The following SNED1 variants were observed in gnomAD, a reference collection of about 807,000 sequenced individuals.
SNED1 encodes sushi, nidogen and EGF like domains 1.
SNED1 carries 81 observed loss-of-function variants against 166.7 expected under a neutral mutation model. The ratio of observed to expected loss-of-function variants is 0.49; its 90% CI spans 0.41 to 0.58. The LOEUF (loss-of-function observed/expected upper bound fraction) is 0.58. SNED1 is among the 20% of genes least tolerant of loss of function. The pLI is 0.00. For synonymous variants in SNED1, 762 were observed against 822.0 expected (o/e 0.93, Z 1.25); for missense variants, 1,604 against 2,000.2 (o/e 0.80, Z 3.78).
At chr2:241,056,196 G>A (rs2062035224) in intron 16 of SNED1, among the ~76,000 whole-genome samples, 2 of 152,130 alleles carry the variant, frequency 1.3e-5, no homozygotes, top group South Asian at 4.1e-4. Flanking sequence ...ATGATTGAGA[G>A]AATAGAAAAT....
At chr2:241,080,709 C>T (rs1390453255) in intron 27 of SNED1, among the ~76,000 whole-genome samples, 1 of 152,228 alleles carries the variant, frequency 6.6e-6, no homozygotes, top group Non-Finnish European at 1.5e-5. Context: ...TGAAATATAC[C>T]AATATCTCTG....
At chr2:241,078,815 T>G (rs997546153) in intron 27 of SNED1, among the ~76,000 whole-genome samples, 2 of 150,660 alleles carry the variant, frequency 1.3e-5, no homozygotes, top group African/African-American at 5.0e-5. Flanking sequence ...ATGCCTGCTT[T>G]AAAAAAGTTA....
intron 31 of SNED1, among the ~76,000 whole-genome samples, chr2:241,089,816 G>A (rs1233435775): frequency 6.6e-6 from 1 of 152,278 alleles, no homozygotes; most frequent in Non-Finnish European, 1.5e-5. Flanking sequence ...ATGGCACCGC[G>A]TACTGCGCAC....
chr2:241,071,590 G>T lies in SNED1; in HGVS notation c.3604G>T (p.Ala1202Ser), dbSNP rs761370688. Residue 1202 changes from alanine to serine, a missense_variant, in exon 25 of 32, where the codon GCT (alanine) becomes TCT (serine). Physicochemically the swap from Ala to Ser is moderately conservative, Grantham distance 99 (BLOSUM62 1). Around this residue, in one of 2 missense-constraint regions of SNED1, gnomAD observed 367 missense variants for 379.4 expected, o/e 0.97. Transcript: ENST00000310397. Reference sequence around the variant, plus strand: ...CTGCTCTGCAGCCCCCAGGGATGGCGCTGACAGACGCTGGCACCAGGGAGG... The same window carrying T: ...CTGCTCTGCAGCCCCCAGGGATGGCTCTGACAGACGCTGGCACCAGGGAGG... Reference protein sequence around the residue: ...LYIITSPRDGADRRWHQGGHH... With the variant: ...LYIITSPRDGSDRRWHQGGHH... 2 of 1,586,798 alleles carry T rather than the reference G, an allele frequency of 1.3e-6. No individual in the cohort carries two copies. Among genetic ancestry groups the T allele is most frequent in the Admixed American group, 1.7e-5 (1 of 58,252 alleles).
chr2:241,084,282 G>A (rs768077793), intron 29 of SNED1, among the ~76,000 whole-genome samples: 2 of 151,820 alleles, frequency 1.3e-5, no homozygotes, highest in Admixed American at 6.6e-5. Context: ...GATTACAGGC[G>A]CCTGCCACCA....
Position 241,052,488 on chromosome 2 carries a change from C to G in SNED1, c.2083+20C>G, listed in dbSNP as rs754343564. The G allele has an allele frequency of 6.6e-7, 1 of 1,523,372 alleles. No individual in the cohort carries two copies. Among genetic ancestry groups the G allele is most frequent in the Non-Finnish European group, 8.9e-7 (1 of 1,124,702 alleles). 94.4% of individuals were successfully genotyped at this position (1,523,372 alleles called of 1,614,324 possible). A position where few individuals can be genotyped will look rare whatever the true frequency, so the allele number is the denominator to read the frequency against. ...AGGCAGGTGAGAGGGTCAGGGGGAT[C>G]AAGCAGGGTACATGGGATACCAGTG... On this transcript the variant is annotated intron_variant, in intron 15 of 31. Transcript: ENST00000310397.
intron 31 of SNED1, chr2:241,089,212 T>C: frequency 3.8e-6 from 5 of 1,315,600 alleles, no homozygotes; most frequent in Non-Finnish European, 4.1e-6. Flanking sequence ...AACATGTCAC[T>C]GCATGAAAGA....
chr2:241,089,737 T>G (rs975237129), intron 31 of SNED1, among the ~76,000 whole-genome samples: 1 of 152,254 alleles, frequency 6.6e-6, no homozygotes, highest in Non-Finnish European at 1.5e-5. Flanking sequence ...GGAGATGCAT[T>G]CTGAGAAATG....
chr2:241,014,449 G>A (rs1019919871), intron 1 of SNED1, among the ~76,000 whole-genome samples: 2 of 152,188 alleles, frequency 1.3e-5, no homozygotes, highest in Admixed American at 1.3e-4. Context: ...CACCCCGGCC[G>A]ACGCTTCTGC....
upstream of SNED1, among the ~76,000 whole-genome samples, chr2:240,998,570 A>G (rs974685445): frequency 2.0e-5 from 3 of 151,588 alleles, no homozygotes; most frequent in Admixed American, 6.6e-5. Flanking sequence ...CGCCCCCCCG[A>G]GTGACCGCCG....
chr2:241,002,754 G>A (rs963931357), intron 1 of SNED1, among the ~76,000 whole-genome samples: 13 of 151,984 alleles, frequency 8.6e-5, no homozygotes, highest in Non-Finnish European at 1.5e-4. Flanking sequence ...AGACTCCTGC[G>A]TCCAGCTGCC....
intron 16 of SNED1, among the ~76,000 whole-genome samples, chr2:241,060,703 G>A (rs2062203950): frequency 6.6e-6 from 1 of 152,132 alleles, no homozygotes. Context: ...AGCACTTTGG[G>A]AGGCCAAGAC....
chr2:241,047,404 A>G (rs747780088), intron 8 of SNED1, among the ~76,000 whole-genome samples: 1 of 152,146 alleles, frequency 6.6e-6, no homozygotes, highest in Non-Finnish European at 1.5e-5. Context: ...TTATTGGTGG[A>G]GATTTCGACA....
In SNED1 at chr2:241,035,447, T is replaced by G. The variant is rs149002331; in HGVS notation, c.805+717T>G. Reference sequence around the variant, plus strand: ...CCTTAGCCCTGCTGCTGTGCGGCCTTGGGAGCCAAGGAGCCTTCAGAAATC... The same window carrying G: ...CCTTAGCCCTGCTGCTGTGCGGCCTGGGGAGCCAAGGAGCCTTCAGAAATC... On this transcript the variant is annotated intron_variant, in intron 4 of 31. Transcript: ENST00000310397. 4.4e-3 allele frequency: 673 copies of G among 152,272 alleles called. 5 individuals carry two copies. The highest frequency in any genetic ancestry group is 7.9e-3 in the Admixed American group (121 of 15,306). The allele number at this position is 152,272 out of a possible 1,614,324, so 9.4% of individuals were successfully genotyped here. A position where few individuals can be genotyped will look rare whatever the true frequency, so the allele number is the denominator to read the frequency against.
intron 1 of SNED1, among the ~76,000 whole-genome samples, chr2:241,020,177 C>G (rs2060729141): frequency 2.0e-5 from 3 of 152,236 alleles, no homozygotes; most frequent in African/African-American, 4.8e-5. Context: ...GCGATCTGGC[C>G]CTTCCCAGAA....
intron 8 of SNED1, among the ~76,000 whole-genome samples, chr2:241,043,902 G>T (rs1223154556): frequency 6.6e-6 from 1 of 152,158 alleles, no homozygotes; most frequent in Non-Finnish European, 1.5e-5. Flanking sequence ...TGGTCTGTGG[G>T]TTATAGTTTA....
intron 1 of SNED1, among the ~76,000 whole-genome samples, chr2:241,021,088 T>G (rs192611691): frequency 6.6e-6 from 1 of 152,154 alleles, no homozygotes; most frequent in East Asian, 1.9e-4. Flanking sequence ...CTCTGAGGGG[T>G]TTAGTATGCA....
chr2:241,040,633 A>G (rs2061497156), intron 8 of SNED1, among the ~76,000 whole-genome samples: 1 of 152,190 alleles, frequency 6.6e-6, no homozygotes, highest in South Asian at 2.1e-4. Context: ...CAAAAGATGG[A>G]TGCTGCCTCC....
intron 28 of SNED1, 90 bp downstream of exon 28, chr2:241,081,883 G>A (rs2063345659): frequency 1.0e-6 from 1 of 1,001,734 alleles, no homozygotes; most frequent in Non-Finnish European, 1.5e-6. Flanking sequence ...TTTGCCACGG[G>A]AGCCTCCAAA....
Sources: gnomAD v4.1 joint callset for allele counts (sites outside exome capture counted in the v4.1 genomes callset) on GRCh38, gnomAD v4.1.1 for gene constraint, gnomAD v4.1.1 regional missense constraint, MANE v1.5 for transcripts, NCBI Gene and HGNC (gene_info 2026-07-23, HGNC 2026-07-21) for gene names.